Variants in EDAR observed in about 807,000 individuals in gnomAD.
EDAR encodes the protein tumor necrosis factor receptor superfamily member EDAR.
EDAR carries 38 observed loss-of-function variants against 51.3 expected under a neutral mutation model. The observed-to-expected ratio is 0.74, with a 90% CI of 0.57 to 0.97. EDAR has a LOEUF of 0.97. EDAR is among the 50% of genes least tolerant of loss of function. The probability of loss-of-function intolerance (pLI) is 0.00; values close to 1 mark genes in which losing one functional copy is unlikely to be tolerated. For synonymous variants in EDAR, 227 were observed against 242.1 expected (o/e 0.94, Z 0.58); for missense variants, 528 against 595.0 (o/e 0.89, Z 1.17).
intron 4 of EDAR, among the ~76,000 whole-genome samples, chr2:108,925,337 G>A (rs905986138): frequency 6.6e-6 from 1 of 152,262 alleles, no homozygotes; most frequent in African/African-American, 2.4e-5. Flanking sequence ...GCCCATCCTA[G>A]TTCACACCCC....
intron 1 of EDAR, among the ~76,000 whole-genome samples, chr2:108,950,966 C>T (rs1006629700): frequency 6.6e-6 from 1 of 152,332 alleles, no homozygotes; most frequent in African/African-American, 2.4e-5. Context: ...AGTTGGGGGA[C>T]TCAGCTGCAG....
chr2:108,956,696 A>G (rs547997223), intron 1 of EDAR, among the ~76,000 whole-genome samples: 2 of 152,214 alleles, frequency 1.3e-5, no homozygotes, highest in Admixed American at 6.5e-5. Flanking sequence ...TATTTGGGTT[A>G]TGATTCATTT....
chr2:108,974,607 G>A (rs890015054), intron 1 of EDAR, among the ~76,000 whole-genome samples: 1 of 152,018 alleles, frequency 6.6e-6, no homozygotes, highest in Admixed American at 6.5e-5. Flanking sequence ...GTGTGTGCCT[G>A]TAATCCCAGC....
chr2:108,939,497 T>C (rs986424642), intron 1 of EDAR, among the ~76,000 whole-genome samples: 15 of 152,134 alleles, frequency 9.9e-5, no homozygotes, highest in African/African-American at 3.4e-4. Context: ...TCAGGAGGAC[T>C]GTCCCAAGTC....
intron 11 of EDAR, among the ~76,000 whole-genome samples, chr2:108,902,276 T>G (rs1696715152): frequency 6.6e-6 from 1 of 151,722 alleles, no homozygotes; most frequent in Non-Finnish European, 1.5e-5. Flanking sequence ...CTTGGGAGGC[T>G]GAGGCAAGAG....
At position 108,910,462 on chromosome 2, in the gene EDAR, C is replaced by T. The variant is rs1379044834; in HGVS notation, c.801G>A (p.Lys267=). The change falls in exon 9 of 12, where the codon AAG becomes AAA. Residue 267 remains lysine (K), a splice_region_variant and synonymous_variant. Coordinates refer to ENST00000258443, the MANE Select transcript of EDAR (RefSeq NM_022336.4). ...TGGTGCTGGGGGCTTCCACATACCTCTTGGTGGGCTTTGCTGGAGTTGCTG... is the reference window on the plus strand; with the variant it reads ...TGGTGCTGGGGGCTTCCACATACCTTTTGGTGGGCTTTGCTGGAGTTGCTG... ...KLTATPAKPT[K]SENDASSENE... is the part of the protein sequence containing the mutation. The T allele has an allele frequency of 6.2e-7, 1 of 1,613,374 alleles. No individual in the cohort carries two copies. Among genetic ancestry groups the T allele is most frequent in the Middle Eastern group, 1.7e-4 (1 of 6,050 alleles).
chr2:108,927,287 A>G lies in EDAR; in HGVS notation c.356+1911T>C, dbSNP rs112027960. 3.9e-5 allele frequency among the ~76,000 whole-genome samples: 6 copies of G among 152,242 alleles called. 1 individual carries two copies. The highest frequency in any genetic ancestry group is 1.4e-4 in the African/African-American group (6 of 41,544). On this transcript the variant is annotated intron_variant, in intron 4 of 11. Transcript: ENST00000258443. ...TGTGGACTGAGCAGGTCACTGTCCC[A>G]TGGAGTAGGGCGGGAGGCATCAAGA...
intron 1 of EDAR, among the ~76,000 whole-genome samples, chr2:108,954,289 A>G (rs1378422017): frequency 4.6e-5 from 7 of 152,194 alleles, no homozygotes; most frequent in African/African-American, 1.7e-4. Context: ...GCTATACATC[A>G]AGACCTATAC....
chr2:108,910,970 A>T lies in EDAR; in HGVS notation c.632T>A (p.Leu211Gln). Residue 211 changes from leucine to glutamine, a missense_variant, in exon 7 of 12, where the codon CTG (leucine) becomes CAG (glutamine). Leu to Gln is a moderately radical substitution (Grantham distance 113). Coordinates refer to ENST00000258443, the MANE Select transcript of EDAR (RefSeq NM_022336.4). ...AIVLIIMFYI[L>Q]KTKPSAPACC... ...ACCTGGGGCAGAGGGCTTTGTCTTCAGGATGTAGAACATGATGATGAGGAC... is the reference window on the plus strand; with the variant it reads ...ACCTGGGGCAGAGGGCTTTGTCTTCTGGATGTAGAACATGATGATGAGGAC... 1 of 1,614,174 alleles carries T rather than the reference A, an allele frequency of 6.2e-7. No homozygotes were observed. Among genetic ancestry groups the T allele is most frequent in the Non-Finnish European group, 8.5e-7 (1 of 1,180,016 alleles).
intron 1 of EDAR, among the ~76,000 whole-genome samples, chr2:108,948,991 T>C (rs1362358073): frequency 2.0e-5 from 3 of 152,034 alleles, no homozygotes; most frequent in African/African-American, 7.2e-5. Flanking sequence ...CACATACATG[T>C]TTTTAGGCAG....
chr2:108,957,406 AT>A (rs1187096569), intron 1 of EDAR, among the ~76,000 whole-genome samples: 1 of 152,234 alleles, frequency 6.6e-6, no homozygotes, highest in African/African-American at 2.4e-5. Context: ...CTGTTTGGGC[AT>A]ATCTAATCAC....
At chr2:108,965,536 T>G (rs571558282) in intron 1 of EDAR, among the ~76,000 whole-genome samples, 1 of 152,142 alleles carries the variant, frequency 6.6e-6, no homozygotes, top group South Asian at 2.1e-4. Flanking sequence ...AGAAAAACAT[T>G]ACAGACAGGA....
At chr2:108,965,051 A>G (rs1324160059) in intron 1 of EDAR, among the ~76,000 whole-genome samples, 1 of 152,136 alleles carries the variant, frequency 6.6e-6, no homozygotes, top group African/African-American at 2.4e-5. Context: ...ATATTCCTCC[A>G]AACATTTTTT....
At chr2:108,982,708 C>T (rs956405071) in intron 1 of EDAR, among the ~76,000 whole-genome samples, 8 of 152,228 alleles carry the variant, frequency 5.3e-5, no homozygotes, top group Non-Finnish European at 1.0e-4. Context: ...GGCAGTAATT[C>T]TAGAGAAAGT....
At chr2:108,920,232 A>T (rs1438179926) in intron 5 of EDAR, among the ~76,000 whole-genome samples, 1 of 152,216 alleles carries the variant, frequency 6.6e-6, no homozygotes, top group East Asian at 1.9e-4. Flanking sequence ...AGCACTCCAC[A>T]TGCATCGCCC....
chr2:108,944,060 C>T (rs1403439656), intron 1 of EDAR, among the ~76,000 whole-genome samples: 1 of 152,210 alleles, frequency 6.6e-6, no homozygotes. Context: ...AATTGCTATC[C>T]AGCCACGTAG....
At chr2:108,943,067 CT>C (rs1272138955) in intron 1 of EDAR, among the ~76,000 whole-genome samples, 1 of 152,282 alleles carries the variant, frequency 6.6e-6, no homozygotes, top group Admixed American at 6.5e-5. Context: ...TCAGAGTGGG[CT>C]TTTTTTCCCT....
chr2:108,910,596 C>T (rs1696907772), intron 8 of EDAR, 64 bp from the exon 9 acceptor site: 2 of 1,465,836 alleles, frequency 1.4e-6, no homozygotes, highest in Non-Finnish European at 1.9e-6. Flanking sequence ...CTGCGCTCAG[C>T]CCAACCCTGC....
At chr2:108,977,300 G>A (rs192087714) in intron 1 of EDAR, among the ~76,000 whole-genome samples, 10 of 152,198 alleles carry the variant, frequency 6.6e-5, no homozygotes, top group African/African-American at 2.2e-4. Context: ...ATGGAGTCTC[G>A]CTCTGTCGCC....
Sources: gnomAD v4.1 joint callset for allele counts (sites outside exome capture counted in the v4.1 genomes callset) on GRCh38, gnomAD v4.1.1 for gene constraint, MANE v1.5 for transcripts, NCBI Gene and HGNC (gene_info 2026-07-23, HGNC 2026-07-21) for gene names.